Variants in LYPD6B observed in about 807,000 individuals in gnomAD.
LYPD6B encodes ly6/PLAUR domain-containing protein 6B.
Under a neutral mutation model 22.8 loss-of-function variants are expected in LYPD6B, and 17 were observed. The observed-to-expected ratio is 0.75, with a 90% confidence interval of 0.51 to 1.12. The LOEUF (loss-of-function observed/expected upper bound fraction) is 1.12, where lower values mean the gene tolerates loss of function less well. Among genes scored for constraint, LYPD6B ranks in the 50% most tolerant of loss-of-function variants. The pLI is 0.00. For synonymous variants in LYPD6B, 106 were observed against 91.6 expected (o/e 1.16, Z -0.90); for missense variants, 221 against 258.3 (o/e 0.86, Z 0.99).
At chr2:149,114,260 T>A (rs1448302952) in intron 1 of LYPD6B, among the ~76,000 whole-genome samples, 2 of 152,250 alleles carry the variant, frequency 1.3e-5, no homozygotes, top group Admixed American at 6.5e-5. Context: ...GTCTTATCAT[T>A]ATAAGTAATG....
At chr2:149,074,110 G>A (rs577590370) in intron 1 of LYPD6B, among the ~76,000 whole-genome samples, 4 of 152,268 alleles carry the variant, frequency 2.6e-5, no homozygotes, top group East Asian at 3.9e-4. Context: ...GCCAAGTTAC[G>A]TAAAGAAGGT....
chr2:149,093,744 T>C (rs1265317795), intron 1 of LYPD6B, among the ~76,000 whole-genome samples: 1 of 152,250 alleles, frequency 6.6e-6, no homozygotes, highest in Non-Finnish European at 1.5e-5. Flanking sequence ...ATTTCTTGCA[T>C]ATATTCAGAA....
intron 1 of LYPD6B, among the ~76,000 whole-genome samples, chr2:149,114,940 AATT>A (rs942178167): frequency 3.9e-5 from 6 of 152,006 alleles, no homozygotes; most frequent in African/African-American, 9.7e-5. Flanking sequence ...TAGTGATTTA[AATT>A]ATTATTATTA....
At chr2:149,097,463 T>A (rs1427336691) in intron 1 of LYPD6B, among the ~76,000 whole-genome samples, 1 of 152,248 alleles carries the variant, frequency 6.6e-6, no homozygotes, top group African/African-American at 2.4e-5. Context: ...AACTAAAAAA[T>A]TATTTATTGT....
chr2:149,200,779 C>G (rs1316265815), intron 3 of LYPD6B: 1 of 152,198 alleles, frequency 6.6e-6, no homozygotes, highest in Non-Finnish European at 1.5e-5. Flanking sequence ...ATCTGGCTAC[C>G]TGCCATTCTC....
intron 2 of LYPD6B, among the ~76,000 whole-genome samples, chr2:149,132,010 G>T (rs992664015): frequency 1.3e-5 from 2 of 151,962 alleles, no homozygotes; most frequent in African/African-American, 4.8e-5. Context: ...GAGGGGAAAA[G>T]ACATGCCAAA....
At chr2:149,088,527 C>G (rs931662948) in intron 1 of LYPD6B, among the ~76,000 whole-genome samples, 1 of 152,164 alleles carries the variant, frequency 6.6e-6, no homozygotes, top group Non-Finnish European at 1.5e-5. Context: ...GTGCTGCTCT[C>G]CAGGAGCAAG....
At chr2:149,067,225 A>G (rs1274859960) in intron 1 of LYPD6B, among the ~76,000 whole-genome samples, 2 of 152,156 alleles carry the variant, frequency 1.3e-5, no homozygotes, top group Non-Finnish European at 2.9e-5. Flanking sequence ...CTTCAGTTTG[A>G]GAAGCGCTGC....
intron 1 of LYPD6B, among the ~76,000 whole-genome samples, chr2:149,121,862 G>A (rs1687377247): frequency 6.6e-6 from 1 of 152,120 alleles, no homozygotes; most frequent in African/African-American, 2.4e-5. Flanking sequence ...GCCTCCCACT[G>A]ACAGAACCCA....
At chr2:149,183,369 T>C (rs1223263290) in intron 3 of LYPD6B, among the ~76,000 whole-genome samples, 3 of 152,214 alleles carry the variant, frequency 2.0e-5, no homozygotes, top group African/African-American at 7.2e-5. Flanking sequence ...TCTGTACCCA[T>C]CCATTTATTC....
chr2:149,147,118 T>C (rs1454472973), intron 2 of LYPD6B, among the ~76,000 whole-genome samples: 1 of 152,202 alleles, frequency 6.6e-6, no homozygotes, highest in Non-Finnish European at 1.5e-5. Flanking sequence ...CAGATTCTCT[T>C]TGAGCCTTGC....
intron 3 of LYPD6B, among the ~76,000 whole-genome samples, chr2:149,169,878 C>T (rs1161825751): frequency 6.6e-6 from 1 of 152,208 alleles, no homozygotes; most frequent in South Asian, 2.1e-4. Context: ...AGAACGATTA[C>T]TCATCCCATC....
In LYPD6B at chr2:149,080,867, A is replaced by AAAAAAAAT. The variant is rs1491182913; in HGVS notation, c.-67+42066_-67+42067insAAAAAAAT. Among the ~76,000 whole-genome samples, 30 of 108,674 alleles carry AAAAAAAAT rather than the reference A, an allele frequency of 2.8e-4. 3 individuals are homozygous for AAAAAAAAT. Among genetic ancestry groups the AAAAAAAAT allele is most frequent in the Non-Finnish European group, 4.5e-4 (23 of 51,068 alleles). The allele number at this position is 108,674 out of a possible 152,430, so 71.3% of individuals were successfully genotyped here. ...AAAAAAAAAAAAAAAAAAAAAAAAA[A>AAAAAAAAT]CCACACAAAAAAATTCAGTATATTA... On this transcript the variant is annotated intron_variant, in intron 1 of 6. Transcript: ENST00000409642.
intron 1 of LYPD6B, among the ~76,000 whole-genome samples, chr2:149,100,823 G>C (rs149045009): frequency 8.0e-4 from 122 of 152,272 alleles, no homozygotes; most frequent in African/African-American, 2.7e-3. Flanking sequence ...TGCAGGCTGA[G>C]CTGTGAGTGA....
intron 2 of LYPD6B, among the ~76,000 whole-genome samples, chr2:149,134,720 A>T (rs2105726294): frequency 6.6e-6 from 1 of 152,302 alleles, no homozygotes; most frequent in Admixed American, 6.5e-5. Flanking sequence ...CATTAGCCAA[A>T]TTTGGAAGCA....
At chr2:149,095,125 G>A (rs1685844084) in intron 1 of LYPD6B, among the ~76,000 whole-genome samples, 1 of 151,986 alleles carries the variant, frequency 6.6e-6, no homozygotes. Context: ...GTGAAACCTC[G>A]TCTCTACTAA....
intron 1 of LYPD6B, among the ~76,000 whole-genome samples, chr2:149,053,223 A>T (rs1683644226): frequency 6.6e-6 from 1 of 152,264 alleles, no homozygotes; most frequent in South Asian, 2.1e-4. Context: ...AAAACAAAAT[A>T]GGATCATACT....
At chr2:149,135,340 A>G (rs1165393541) in intron 2 of LYPD6B, among the ~76,000 whole-genome samples, 1 of 151,346 alleles carries the variant, frequency 6.6e-6, no homozygotes, top group Non-Finnish European at 1.5e-5. Context: ...TTTTTTTGTA[A>G]GTTTTGAGAA....
intron 1 of LYPD6B, among the ~76,000 whole-genome samples, chr2:149,097,735 A>G (rs1477102740): frequency 6.6e-6 from 1 of 152,234 alleles, no homozygotes; most frequent in Non-Finnish European, 1.5e-5. Context: ...TCAGAGATTT[A>G]TACGAAGTTA....
Sources: gnomAD v4.1 joint callset for allele counts (sites outside exome capture counted in the v4.1 genomes callset) on GRCh38, gnomAD v4.1.1 for gene constraint, MANE v1.5 for transcripts, NCBI Gene and HGNC (gene_info 2026-07-23, HGNC 2026-07-21) for gene names.